SBF1: variants seen among roughly 807,000 people sequenced by gnomAD.
SBF1 encodes SET binding factor 1.
SBF1 carries 65 observed loss-of-function variants against 215.8 expected under a neutral mutation model. The ratio of observed to expected loss-of-function variants is 0.30; its 90% CI spans 0.25 to 0.37. SBF1 has a LOEUF of 0.37. SBF1 is among the 10% of genes least tolerant of loss of function. The pLI is 1.00. For missense variants in SBF1, 2,634 were observed against 2,667.8 expected, an observed-to-expected ratio of 0.99 and a Z score of 0.28; for synonymous variants, 1,410 against 1,122.8, an observed-to-expected ratio of 1.26 and a Z score of -5.11.
rs1191669219 is a variant in SBF1 at position 50,459,348 on chromosome 22, G to A, written c.3733C>T (p.Leu1245=). The A allele has an allele frequency of 3.1e-6, 5 of 1,612,732 alleles. No individual in the cohort carries two copies. The highest frequency in any genetic ancestry group is 2.2e-5 in the East Asian group (1 of 44,878). Reference sequence around the variant, plus strand: ...GGCATGGAGCTGACCACAGCCTGCAGGTACTTCTCCTGCTCCAGGCTACTC... The same window carrying A: ...GGCATGGAGCTGACCACAGCCTGCAAGTACTTCTCCTGCTCCAGGCTACTC... ...DSSSLEQEKY[L]QAVVSSMPRY... Residue 1245 remains leucine, a synonymous_variant, in exon 28 of 41, where the codon CTG becomes TTG. Coordinates refer to ENST00000380817, the MANE Select transcript of SBF1 (RefSeq NM_002972.4).
At position 50,458,835 on chromosome 22, in the gene SBF1, T is replaced by C. The variant is rs1198109372; in HGVS notation, c.3826+420A>G. ...CCAGAGGCTCCAAAGACAGTCTGGA[T>C]TGGGGGATGCAGGGAGGGTGGAGTG... is the stretch of plus-strand genomic sequence containing the variant. On this transcript the variant is annotated intron_variant, in intron 28 of 40. Transcript: ENST00000380817. 2.6e-5 allele frequency among the ~76,000 whole-genome samples: 4 copies of C among 151,974 alleles called. No individual in the cohort carries two copies. In the South Asian group the frequency reaches 6.2e-4, roughly 24 times the overall value.
At chr22:50,474,039 C>G (rs902530883) in intron 1 of SBF1, among the ~76,000 whole-genome samples, 2 of 152,206 alleles carry the variant, frequency 1.3e-5, no homozygotes, top group Non-Finnish European at 2.9e-5. Flanking sequence ...CATCGTCAGG[C>G]TCCGTTTTCT....
chr22:50,455,650 A>G, intron 31 of SBF1, 68 bp from the exon 32 acceptor site: 3 of 1,309,198 alleles, frequency 2.3e-6, no homozygotes, highest in Non-Finnish European at 3.2e-6. Flanking sequence ...TCACCAGGCC[A>G]GAGACCCGCA....
At chr22:50,453,684 G>T (rs1358356848) in intron 36 of SBF1, among the ~76,000 whole-genome samples, 1 of 152,160 alleles carries the variant, frequency 6.6e-6, no homozygotes, top group Non-Finnish European at 1.5e-5. Context: ...CTACTCGAGA[G>T]GCTGAGGCAG....
At position 50,449,121 on chromosome 22, in the gene SBF1, G is replaced by A. The variant is rs150720325; in HGVS notation, c.5044-471C>T. ...TGGGAGGCGGAGGTTGCGGTGAGCC[G>A]AGAACGCGCCACTGCACACCAGCAT... On this transcript the variant is annotated intron_variant, in intron 36 of 40. Transcript: ENST00000380817. Among the ~76,000 whole-genome samples, 228 of 151,780 alleles carry A rather than the reference G, an allele frequency of 1.5e-3. 5 individuals are homozygous for A. In the East Asian group the frequency reaches 0.038, roughly 25 times the overall value.
intron 36 of SBF1, 85 bp downstream of exon 36, chr22:50,454,427 G>T: frequency 8.5e-7 from 1 of 1,183,224 alleles, no homozygotes; most frequent in Non-Finnish European, 1.2e-6. Context: ...GTGCATGTAC[G>T]AGTGTACACA....
chr22:50,454,229 C>A (rs1246271109), intron 36 of SBF1, among the ~76,000 whole-genome samples: 1 of 152,210 alleles, frequency 6.6e-6, no homozygotes, highest in African/African-American at 2.4e-5. Flanking sequence ...GGAAAACACA[C>A]GTGCTCAGAG....
At position 50,456,342 on chromosome 22, in the gene SBF1, G is replaced by T. The variant is rs760115907; in HGVS notation, c.4140C>A (p.Phe1380Leu). The T allele has an allele frequency of 4.3e-6, 7 of 1,613,184 alleles. No homozygotes were observed. The South Asian group carries it at 7.7e-5, about 18-fold the overall frequency. Reference sequence around the variant, plus strand: ...AGCTAGCCTTCACCTGCCGTGCCTCGAATACCTCAATGGGCACCAGCTCCC... The same window carrying T: ...AGCTAGCCTTCACCTGCCGTGCCTCTAATACCTCAATGGGCACCAGCTCCC... Reference protein sequence around the residue: ...QQWELVPIEVFEARQVKASFK... With the variant: ...QQWELVPIEVLEARQVKASFK... The change falls in exon 31 of 41, where the codon TTC (phenylalanine) becomes TTA (leucine). Residue 1380 changes from phenylalanine (F) to leucine (L), a missense_variant. By Grantham distance (22) the Phe-to-Leu change is conservative. Coordinates refer to ENST00000380817, the MANE Select transcript of SBF1 (RefSeq NM_002972.4).
chr22:50,446,860 G>A lies in SBF1; in HGVS notation c.*282C>T, dbSNP rs758618812. ...TGGTTCTAGAAACTCGCCTGCAGCC[G>A]CTGGCTGGACCAGCACACGCTGACG... On this transcript the variant is annotated 3_prime_UTR_variant, in exon 41 of 41. Transcript: ENST00000380817. 3.5e-5 allele frequency: 26 copies of A among 737,110 alleles called. No individual in the cohort carries two copies. The highest frequency in any genetic ancestry group is 5.2e-5 in the Non-Finnish European group (21 of 401,352). 45.7% of individuals were successfully genotyped at this position (737,110 alleles called of 1,614,324 possible). A position where few individuals can be genotyped will look rare whatever the true frequency, so the allele number is the denominator to read the frequency against.
chr22:50,468,919 G>A (rs2067894013), intron 1 of SBF1, among the ~76,000 whole-genome samples: 1 of 152,100 alleles, frequency 6.6e-6, no homozygotes, highest in African/African-American at 2.4e-5. Flanking sequence ...CCTGCTGTCT[G>A]TGTGGGGTTC....
intron 28 of SBF1, among the ~76,000 whole-genome samples, chr22:50,457,853 T>C (rs1016784985): frequency 6.6e-6 from 1 of 152,214 alleles, no homozygotes; most frequent in African/African-American, 2.4e-5. Context: ...TGTCCCCTCG[T>C]CCACCAAGTG....
intron 36 of SBF1, among the ~76,000 whole-genome samples, chr22:50,450,126 C>T (rs2066990754): frequency 6.6e-6 from 1 of 152,180 alleles, no homozygotes; most frequent in Non-Finnish European, 1.5e-5. Context: ...CAAAGGGGCT[C>T]TAGAAATCTA....
At chr22:50,468,693 C>T (rs1480045218) in intron 1 of SBF1, among the ~76,000 whole-genome samples, 1 of 152,142 alleles carries the variant, frequency 6.6e-6, no homozygotes, top group African/African-American at 2.4e-5. Flanking sequence ...CGATCCCACC[C>T]CAGAGACCTC....
At chr22:50,458,575 A>G (rs1291523158) in intron 28 of SBF1, among the ~76,000 whole-genome samples, 1 of 152,192 alleles carries the variant, frequency 6.6e-6, no homozygotes, top group Non-Finnish European at 1.5e-5. Context: ...GTAAGTATAT[A>G]ATGTGGTATC....
At chr22:50,471,608 C>A (rs1466902583) in intron 1 of SBF1, among the ~76,000 whole-genome samples, 1 of 152,186 alleles carries the variant, frequency 6.6e-6, no homozygotes, top group East Asian at 1.9e-4. Flanking sequence ...CCCACCCAAC[C>A]CCAACGTGCA....
At chr22:50,451,019 C>T (rs1336946383) in intron 36 of SBF1, among the ~76,000 whole-genome samples, 1 of 151,848 alleles carries the variant, frequency 6.6e-6, no homozygotes. Context: ...GGAATCTCTA[C>T]AATAAAAAGC....
chr22:50,474,371 C>CCTGGAGCCA (rs2068098928), intron 1 of SBF1, among the ~76,000 whole-genome samples: 1 of 152,220 alleles, frequency 6.6e-6, no homozygotes, highest in Non-Finnish European at 1.5e-5. Flanking sequence ...GGTCCGCGCC[C>CCTGGAGCCA]CTGGAGCCAC....
Position 50,456,564 on chromosome 22 carries a change from G to C in SBF1, c.4014C>G (p.Gly1338=), listed in dbSNP as rs75567487. 6.4e-7 allele frequency: 1 copy of C among 1,573,564 alleles called. No individual in the cohort carries two copies. Among genetic ancestry groups the C allele is most frequent in the South Asian group, 1.2e-5 (1 of 84,364 alleles). ...DALAPPQANG[G]PPDPGFLRPQ... ...GACGCAGGAAGCCCGGGTCGGGAGG[G>C]CCCCCGTTGGCCTGGGGTGGGGCCA... Residue 1338 remains glycine, a synonymous_variant, in exon 30 of 41, where the codon GGC becomes GGG. Coordinates refer to ENST00000380817, the MANE Select transcript of SBF1 (RefSeq NM_002972.4).
rs2067511956 is a variant in SBF1 at position 50,461,516 on chromosome 22, G to T, written c.2839+7C>A. On this transcript the variant is annotated splice_region_variant and intron_variant, in intron 22 of 40. Coordinates refer to ENST00000380817, the MANE Select transcript of SBF1 (RefSeq NM_002972.4). ...GGGCGACAGGGCCAGAGAGTCTGCA[G>T]GCTCACCCAGGGGGTCCGTGGGCAT... 6.3e-7 allele frequency: 1 copy of T among 1,590,628 alleles called. No homozygotes were observed. Among genetic ancestry groups the T allele is most frequent in the African/African-American group, 1.3e-5 (1 of 74,680 alleles).
Sources: allele counts gnomAD v4.1 joint callset (sites outside exome capture counted in the v4.1 genomes callset), GRCh38; gene constraint gnomAD v4.1.1; transcripts MANE v1.5; gene names NCBI Gene and HGNC (gene_info 2026-07-23, HGNC 2026-07-21).